Variants in EPHA10 observed in about 807,000 individuals in gnomAD.
EPHA10 encodes the protein ephrin type-A receptor 10.
Under a neutral mutation model 109.7 loss-of-function variants are expected in EPHA10, and 120 were observed. The ratio of observed to expected loss-of-function variants is 1.09; its 90% CI spans 0.94 to 1.27. The LOEUF is 1.27. Ranked by LOEUF, EPHA10 falls within the 50% of genes most tolerant of loss-of-function variation. The pLI, the probability that EPHA10 is intolerant of heterozygous loss-of-function variation, is 0.00. For synonymous variants in EPHA10, 640 were observed against 618.9 expected (o/e 1.03, Z -0.51); for missense variants, 1,396 against 1,411.1 (o/e 0.99, Z 0.17).
Position 37,719,500 on chromosome 1 carries a change from C to A in EPHA10, c.2670G>T (p.Arg890=). 1 of 1,614,026 alleles carries A rather than the reference C, an allele frequency of 6.2e-7. No individual in the cohort carries two copies. The highest frequency in any genetic ancestry group is 1.1e-5 in the South Asian group (1 of 91,066). The change falls in exon 15 of 17, where the codon CGG becomes CGT. Residue 890 remains arginine, a synonymous_variant. Coordinates refer to ENST00000373048, the MANE Select transcript of EPHA10 (RefSeq NM_001099439.2). ...TGCTGTGGATCTGGGAGAACCTGGGCCGCTCACCTGGGTCCTTCTGCCAGC... is the reference window on the plus strand; with the variant it reads ...TGCTGTGGATCTGGGAGAACCTGGGACGCTCACCTGGGTCCTTCTGCCAGC... The part of the protein sequence containing the change: ...LDCWQKDPGE[R]PRFSQIHSIL...
In EPHA10 at chr1:37,718,817, C is replaced by T. The variant is rs1430128866; in HGVS notation, c.2757-1G>A. 1 of 1,608,738 alleles carries T rather than the reference C, an allele frequency of 6.2e-7. No individual in the cohort carries two copies. Among genetic ancestry groups the T allele is most frequent in the Non-Finnish European group, 8.5e-7 (1 of 1,177,912 alleles). The stretch of plus-strand genomic sequence containing the variant: ...ACGGTCCGCTAGTGGGGTGGGAGGC[C>T]TGCGGGTCAGAGGAGCTGTGCTCAA... On this transcript the variant is annotated splice_acceptor_variant, in intron 15 of 16. Transcript: ENST00000373048. LOFTEE classifies it high-confidence loss of function.
At position 37,728,454 on chromosome 1, in the gene EPHA10, A is replaced by G. The variant is rs149395898; in HGVS notation, c.1664-1244T>C. Among the ~76,000 whole-genome samples the G allele has an allele frequency of 1.3e-3, 201 of 152,262 alleles. 7 individuals are homozygous for G. In the East Asian group the frequency reaches 0.033, roughly 25 times the overall value. ...TTTGGCATAACTATTAGGAATGGGA[A>G]AAGTACTAAGTGGCCCTGAAGACTG... On this transcript the variant is annotated intron_variant, in intron 7 of 16. Coordinates refer to ENST00000373048, the MANE Select transcript of EPHA10 (RefSeq NM_001099439.2).
chr1:37,719,680 G>A (rs1425167535), intron 14 of EPHA10, 73 bp from the exon 15 acceptor site: 5 of 1,522,060 alleles, frequency 3.3e-6, no homozygotes, highest in Non-Finnish European at 4.5e-6. Context: ...ACACACACAT[G>A]CACACACACA....
chr1:37,741,949 G>A (rs1646161993), intron 5 of EPHA10, among the ~76,000 whole-genome samples: 1 of 152,176 alleles, frequency 6.6e-6, no homozygotes, highest in African/African-American at 2.4e-5. Context: ...AGCATTCTAG[G>A]AGGTGGCAAA....
chr1:37,735,473 G>A, intron 5 of EPHA10, 83 bp from the exon 6 acceptor site: 1 of 1,486,136 alleles, frequency 6.7e-7, no homozygotes, highest in Non-Finnish European at 9.0e-7. Context: ...TGCGGCGTGC[G>A]GGGCTGTGGG....
rs149531182 is a variant in EPHA10 at position 37,746,178 on chromosome 1, G to A, written c.1357+6698C>T. Among the ~76,000 whole-genome samples, 173 of 145,098 alleles carry A rather than the reference G, an allele frequency of 1.2e-3. 1 individual carries two copies. Among genetic ancestry groups the A allele is most frequent in the African/African-American group, 4.3e-3 (167 of 39,056 alleles). On this transcript the variant is annotated intron_variant, in intron 5 of 16. Transcript: ENST00000373048. ...CGCAATGGCACGACCTCGGTTTACC[G>A]CAACCTCCACCTCCCAGGTTCAAGC...
intron 7 of EPHA10, among the ~76,000 whole-genome samples, chr1:37,729,701 G>A (rs35709624): frequency 0.064 from 9,803 of 152,020 alleles, 408 homozygotes; most frequent in Middle Eastern, 0.14. Flanking sequence ...GCAACATAGT[G>A]AGACCCCCAA....
intron 11 of EPHA10, among the ~76,000 whole-genome samples, chr1:37,721,407 A>G (rs1645793892): frequency 6.6e-6 from 1 of 150,806 alleles, no homozygotes; most frequent in Non-Finnish European, 1.5e-5. Flanking sequence ...TAGCCTGGGC[A>G]ACAGAGCGAG....
intron 1 of EPHA10, among the ~76,000 whole-genome samples, chr1:37,763,892 G>T (rs1327093505): frequency 6.6e-6 from 1 of 152,064 alleles, no homozygotes; most frequent in Non-Finnish European, 1.5e-5. Flanking sequence ...TTTTCCCAGG[G>T]GCTGTCACTT....
chr1:37,723,158 G>C lies in EPHA10; in HGVS notation c.1843C>G (p.Pro615Ala), dbSNP rs1393116815. The C allele has an allele frequency of 6.2e-7, 1 of 1,613,306 alleles. No individual in the cohort carries two copies. Among genetic ancestry groups the C allele is most frequent in the African/African-American group, 1.3e-5 (1 of 74,908 alleles). Residue 615 changes from proline to alanine, a missense_variant, in exon 10 of 17, where the codon CCA becomes GCA. By Grantham distance (27) the Pro-to-Ala change is conservative. Transcript: ENST00000373048. ...EEELYFHFKV[P>A]TRRTFLDPQS... is the part of the protein sequence containing the mutation. ...GGGTCCAGGAATGTGCGACGTGTTG[G>C]GACTTTGACTGGGAGAGAAAGAGAT...
chr1:37,733,410 G>A (rs1020944947), intron 6 of EPHA10, among the ~76,000 whole-genome samples: 5 of 152,024 alleles, frequency 3.3e-5, no homozygotes, highest in South Asian at 2.1e-4. Flanking sequence ...TAGAGGTGGC[G>A]GTCTCACTTT....
intron 11 of EPHA10, among the ~76,000 whole-genome samples, chr1:37,721,150 T>C (rs758117822): frequency 4.6e-5 from 7 of 151,044 alleles, no homozygotes; most frequent in Non-Finnish European, 1.0e-4. Context: ...CCAGGCGCGG[T>C]GGTTCACGCC....
intron 5 of EPHA10, among the ~76,000 whole-genome samples, chr1:37,752,585 G>C (rs984267752): frequency 6.6e-6 from 1 of 152,132 alleles, no homozygotes; most frequent in Admixed American, 6.5e-5. Context: ...GGAGAAAAGC[G>C]AGCACACAGG....
At position 37,754,843 on chromosome 1, in the gene EPHA10, G is replaced by A. The variant is rs1336244759; in HGVS notation, c.851-473C>T. Among the ~76,000 whole-genome samples, 1 of 151,574 alleles carries A rather than the reference G, an allele frequency of 6.6e-6. No homozygotes were observed. Among genetic ancestry groups the A allele is most frequent in the East Asian group, 1.9e-4 (1 of 5,166 alleles). On this transcript the variant is annotated intron_variant, in intron 3 of 16. Coordinates refer to ENST00000373048, the MANE Select transcript of EPHA10 (RefSeq NM_001099439.2). The surrounding 1 kb of genome is among the most constrained non-coding windows in gnomAD (Gnocchi z 4.5). ...TTTCGAGTCTCCTTCTATCACCCAG[G>A]CTGGAGTGCAGTGGCGGGATCTCCA... is the stretch of plus-strand genomic sequence containing the variant.
intron 16 of EPHA10, 50 bp from the exon 17 acceptor site, chr1:37,718,536 C>T (rs775155371): frequency 6.8e-6 from 11 of 1,611,524 alleles, no homozygotes; most frequent in Non-Finnish European, 9.3e-6. Flanking sequence ...AACTTCTGCT[C>T]CTCCCATGAA....
In EPHA10 at chr1:37,716,661, G is replaced by T. The variant is rs504518; in HGVS notation, c.*1711C>A. 0.23 allele frequency: 54,129 copies of T among 232,484 alleles called. 6,738 individuals carry two copies. Among genetic ancestry groups the T allele is most frequent in the Middle Eastern group, 0.28 (218 of 786 alleles). 14.4% of individuals were successfully genotyped at this position (232,484 alleles called of 1,614,324 possible). A position where few individuals can be genotyped will look rare whatever the true frequency, so the allele number is the denominator to read the frequency against. On this transcript the variant is annotated 3_prime_UTR_variant, in exon 17 of 17. Coordinates refer to ENST00000373048, the MANE Select transcript of EPHA10 (RefSeq NM_001099439.2). ...CCCACCTCTGGGTGCTCTGCAAAGA[G>T]GCACTGCACCTTCCCGCCTCTGGGC...
chr1:37,726,171 T>C (rs1569652486), intron 8 of EPHA10, among the ~76,000 whole-genome samples: 1 of 152,224 alleles, frequency 6.6e-6, no homozygotes, highest in East Asian at 1.9e-4. Context: ...CAGGATGAGA[T>C]GCTCTCGGCA....
chr1:37,757,529 C>G (rs1315833286), intron 3 of EPHA10, among the ~76,000 whole-genome samples: 1 of 152,102 alleles, frequency 6.6e-6, no homozygotes, highest in East Asian at 1.9e-4. Flanking sequence ...TTCTCCAAAC[C>G]CCAGTTCAAA....
At chr1:37,725,923 C>T (rs1210927083) in intron 8 of EPHA10, among the ~76,000 whole-genome samples, 1 of 152,194 alleles carries the variant, frequency 6.6e-6, no homozygotes, top group African/African-American at 2.4e-5. Flanking sequence ...GACAGCCCAC[C>T]AGGCTGGGAC....
Sources: gnomAD v4.1 joint callset for allele counts (sites outside exome capture counted in the v4.1 genomes callset) on GRCh38, gnomAD v4.1.1 for gene constraint, Gnocchi (gnomAD v3.1) non-coding constraint, MANE v1.5 for transcripts, NCBI Gene and HGNC (gene_info 2026-07-23, HGNC 2026-07-21) for gene names.